APBB2: variants seen among roughly 807,000 people sequenced by gnomAD.
APBB2 encodes the protein Fe65-like 1.
APBB2 carries 38 observed loss-of-function variants against 82.5 expected under a neutral mutation model. That is an observed-to-expected ratio of 0.46 (90% CI 0.36 to 0.60). The LOEUF (loss-of-function observed/expected upper bound fraction) is 0.60, where lower values mean the gene tolerates loss of function less well. Ranked by LOEUF, APBB2 falls within the 20% of genes least tolerant of loss-of-function variation. The pLI, the probability that APBB2 is intolerant of heterozygous loss-of-function variation, is 0.00. For synonymous variants in APBB2, 341 were observed against 368.2 expected (o/e 0.93, Z 0.85); for missense variants, 772 against 972.3 (o/e 0.79, Z 2.74).
chr4:41,010,776 C>T (rs1054987432), intron 6 of APBB2, among the ~76,000 whole-genome samples: 3 of 152,020 alleles, frequency 2.0e-5, no homozygotes, highest in South Asian at 2.1e-4. Context: ...TACGTTCTTA[C>T]GTGAAAAAAA....
chr4:40,947,242 C>A (rs1788702291), intron 6 of APBB2, among the ~76,000 whole-genome samples: 1 of 152,144 alleles, frequency 6.6e-6, no homozygotes, highest in African/African-American at 2.4e-5. Flanking sequence ...AAGTGGGTTC[C>A]CTCGTCCCAT....
chr4:40,946,842 C>A (rs1191810921), intron 6 of APBB2, among the ~76,000 whole-genome samples: 1 of 152,204 alleles, frequency 6.6e-6, no homozygotes. Flanking sequence ...AGTGTCGCTG[C>A]ATCACGTGCG....
At chr4:41,079,827 G>A (rs995869214) in intron 3 of APBB2, among the ~76,000 whole-genome samples, 3 of 152,210 alleles carry the variant, frequency 2.0e-5, no homozygotes, top group African/African-American at 7.2e-5. Context: ...GATTACAGGC[G>A]TAAACCACCG....
At chr4:41,038,211 C>CAAAT (rs1342127149) in intron 4 of APBB2, among the ~76,000 whole-genome samples, 1 of 114,730 alleles carries the variant, frequency 8.7e-6, no homozygotes, top group Non-Finnish European at 1.9e-5. Flanking sequence ...ATTAAGCAAA[C>CAAAT]AGATAAATAA....
chr4:41,068,670 T>C (rs934484614), intron 3 of APBB2, among the ~76,000 whole-genome samples: 9 of 152,102 alleles, frequency 5.9e-5, no homozygotes, highest in African/African-American at 1.7e-4. Context: ...TATCAAAAAA[T>C]ACTATTATAA....
chr4:41,044,791 T>C (rs1419418691), intron 4 of APBB2, among the ~76,000 whole-genome samples: 2 of 152,174 alleles, frequency 1.3e-5, no homozygotes, highest in African/African-American at 2.4e-5. Context: ...TTTAACCCAA[T>C]AGTTTTATTA....
chr4:40,934,566 T>C (rs1340574120), intron 9 of APBB2, 48 bp downstream of exon 9: 4 of 1,611,636 alleles, frequency 2.5e-6, no homozygotes, highest in Non-Finnish European at 3.4e-6. Flanking sequence ...GCAAACTATC[T>C]GCACAAAGCC....
At chr4:41,128,091 G>GA (rs1482815750) in intron 2 of APBB2, among the ~76,000 whole-genome samples, 3 of 148,334 alleles carry the variant, frequency 2.0e-5, no homozygotes, top group South Asian at 2.1e-4. Flanking sequence ...GAAAAAAAAA[G>GA]AAAAAAAGAG....
intron 6 of APBB2, among the ~76,000 whole-genome samples, chr4:40,952,302 C>T (rs1790418882): frequency 6.6e-6 from 1 of 151,992 alleles, no homozygotes; most frequent in Non-Finnish European, 1.5e-5. Context: ...GGAGGTCCGG[C>T]AAGTCCAGAT....
intron 6 of APBB2, among the ~76,000 whole-genome samples, chr4:41,002,361 A>C (rs1433990485): frequency 6.6e-6 from 1 of 152,226 alleles, no homozygotes; most frequent in Non-Finnish European, 1.5e-5. Context: ...TTCATGTCAC[A>C]CTTTGATTCT....
chr4:40,823,745 T>C lies in APBB2; in HGVS notation c.1831A>G (p.Asn611Asp), dbSNP rs1406245464. Residue 611 changes from asparagine to aspartate, a missense_variant, in exon 16 of 18, where the codon AAC becomes GAC. Coordinates refer to ENST00000508593, the MANE Select transcript of APBB2 (RefSeq NM_004307.2). ...GTCATAAGATTTTCTATGGCACTGT[T>C]CAAAATATCCATTCCTGGGGACAGA... The part of the protein sequence containing the change: ...VDKPVGMDIL[N>D]SAIENLMTSS... 4 of 1,612,164 alleles carry C rather than the reference T, an allele frequency of 2.5e-6. No individual in the cohort carries two copies. The highest frequency in any genetic ancestry group is 3.4e-6 in the Non-Finnish European group (4 of 1,178,892).
chr4:41,159,613 T>C (rs1379788466), intron 1 of APBB2, among the ~76,000 whole-genome samples: 1 of 152,204 alleles, frequency 6.6e-6, no homozygotes, highest in Non-Finnish European at 1.5e-5. Flanking sequence ...ATCTTGTTGA[T>C]AAAATCACTA....
intron 12 of APBB2, among the ~76,000 whole-genome samples, chr4:40,836,592 GA>G (rs1025128052): frequency 4.6e-5 from 7 of 152,030 alleles, no homozygotes; most frequent in African/African-American, 1.7e-4. Context: ...GAGAAGGTGG[GA>G]AAAAAATTGC....
At chr4:40,928,683 G>A (rs963946379) in intron 10 of APBB2, among the ~76,000 whole-genome samples, 1 of 151,952 alleles carries the variant, frequency 6.6e-6, no homozygotes, top group Non-Finnish European at 1.5e-5. Flanking sequence ...ATCAGAATTC[G>A]AGGTCAGCCT....
Position 40,823,686 on chromosome 4 carries a change from G to T in APBB2, c.1890C>A (p.Asn630Lys). 1 of 1,613,954 alleles carries T rather than the reference G, an allele frequency of 6.2e-7. No homozygotes were observed. Among genetic ancestry groups the T allele is most frequent in the Non-Finnish European group, 8.5e-7 (1 of 1,179,930 alleles). ...TCACAGTGGCATCAGCCACGTTCAT[G>T]TTCACTGACAGCCAGTCCTCCTTGT... is the stretch of plus-strand genomic sequence containing the variant. ...SSNKEDWLSV[N>K]MNVADATVTV... is the part of the protein sequence containing the mutation. The change falls in exon 16 of 18, where the codon AAC becomes AAA. Residue 630 changes from asparagine (N) to lysine (K), a missense_variant. Transcript: ENST00000508593.
intron 12 of APBB2, among the ~76,000 whole-genome samples, chr4:40,866,259 G>T (rs946110291): frequency 1.3e-5 from 2 of 151,852 alleles, no homozygotes; most frequent in Non-Finnish European, 2.9e-5. Context: ...ATGTTCACAG[G>T]CCTGGACACC....
chr4:41,128,797 C>G (rs1200950987), intron 2 of APBB2, among the ~76,000 whole-genome samples: 1 of 152,202 alleles, frequency 6.6e-6, no homozygotes, highest in East Asian at 1.9e-4. Context: ...GGTTGGGGCA[C>G]CTGTATCTCC....
chr4:40,984,431 T>C (rs886573246), intron 6 of APBB2, among the ~76,000 whole-genome samples: 3 of 152,040 alleles, frequency 2.0e-5, no homozygotes, highest in Non-Finnish European at 4.4e-5. Context: ...AATTTTGGGA[T>C]TTTGAAAGAA....
At chr4:41,194,150 A>C in intron 1 of APBB2, 1 of 114,434 alleles carries the variant, frequency 8.7e-6, no homozygotes, top group African/African-American at 3.6e-5. Flanking sequence ...GCATCTCTAC[A>C]AAAAAAAAAA....
Sources: allele counts gnomAD v4.1 joint callset (sites outside exome capture counted in the v4.1 genomes callset), GRCh38; gene constraint gnomAD v4.1.1; transcripts MANE v1.5; gene names NCBI Gene and HGNC (gene_info 2026-07-23, HGNC 2026-07-21).